The following RBFOX2 variants were observed in gnomAD, a reference collection of about 807,000 sequenced individuals.
The protein encoded by RBFOX2 is RNA binding protein fox-1 homolog 2.
RBFOX2 carries 10 observed loss-of-function variants against 49.1 expected under a neutral mutation model. The ratio of observed to expected loss-of-function variants is 0.20; its 90% CI spans 0.13 to 0.35. The LOEUF is 0.35. Among genes scored for constraint, RBFOX2 ranks in the 10% least tolerant of loss-of-function variants. The pLI is 1.00. For missense variants in RBFOX2, 323 were observed against 486.9 expected, an observed-to-expected ratio of 0.66 and a Z score of 3.17; for synonymous variants, 183 against 187.4, an observed-to-expected ratio of 0.98 and a Z score of 0.19.
chr22:36,016,087 C>A (rs754387308), intron 1 of RBFOX2, among the ~76,000 whole-genome samples: 8 of 152,130 alleles, frequency 5.3e-5, no homozygotes, highest in Non-Finnish European at 7.4e-5. Flanking sequence ...CCACATACCC[C>A]CTGAAAGTAA....
At chr22:35,898,097 G>A (rs186649474) in intron 1 of RBFOX2, 1 of 738,376 alleles carries the variant, frequency 1.4e-6, no homozygotes, top group African/African-American at 1.7e-5. Context: ...AGAAACAGAA[G>A]CTAGCCCAGG....
intron 1 of RBFOX2, among the ~76,000 whole-genome samples, chr22:35,904,496 G>T (rs1569477496): frequency 6.6e-6 from 1 of 152,154 alleles, no homozygotes; most frequent in Admixed American, 6.5e-5. Flanking sequence ...AAGTTAGAGT[G>T]CTACTAATTT....
upstream of RBFOX2, among the ~76,000 whole-genome samples, chr22:35,965,993 A>G (rs534626704): frequency 5.3e-5 from 8 of 152,210 alleles, no homozygotes; most frequent in East Asian, 1.5e-3. Context: ...CACCTAGGCC[A>G]AGAAATAGGA....
intron 1 of RBFOX2, among the ~76,000 whole-genome samples, chr22:35,827,499 T>C (rs1956006532): frequency 6.6e-6 from 1 of 152,342 alleles, no homozygotes. Flanking sequence ...ATCCTACCAC[T>C]AAACCTCACT....
At chr22:35,963,112 A>G (rs5750207), upstream of RBFOX2, among the ~76,000 whole-genome samples, 12,500 of 148,332 alleles carry the variant, frequency 0.084, 562 homozygotes, top group African/African-American at 0.11. Flanking sequence ...ATAATTTAGT[A>G]TAATAACAGT....
intron 1 of RBFOX2, among the ~76,000 whole-genome samples, chr22:35,916,015 C>T (rs1209887229): frequency 6.6e-6 from 1 of 152,188 alleles, no homozygotes; most frequent in Non-Finnish European, 1.5e-5. Flanking sequence ...GTTACTAATG[C>T]CCTGTGCTAA....
intron 9 of RBFOX2, chr22:35,748,283 C>A (rs1420635389): frequency 2.0e-5 from 3 of 152,138 alleles, no homozygotes; most frequent in Non-Finnish European, 4.4e-5. Flanking sequence ...ATTACGAATT[C>A]TTCCAGAGAT....
chr22:35,860,285 A>G (rs916049693), intron 1 of RBFOX2, among the ~76,000 whole-genome samples: 4 of 152,108 alleles, frequency 2.6e-5, no homozygotes, highest in African/African-American at 9.7e-5. Context: ...CTGTGTGAAG[A>G]AGTGTGAAGG....
chr22:35,974,682 G>A (rs985126578), intron 1 of RBFOX2, among the ~76,000 whole-genome samples: 8 of 151,990 alleles, frequency 5.3e-5, no homozygotes, highest in African/African-American at 1.4e-4. Context: ...GCGAGACTCC[G>A]TATCAAAAAC....
At chr22:35,942,783 C>A (rs1437662217), upstream of RBFOX2, among the ~76,000 whole-genome samples, 1 of 150,628 alleles carries the variant, frequency 6.6e-6, no homozygotes, top group Non-Finnish European at 1.5e-5. Context: ...ATATAACAAA[C>A]TTCTAATAGT....
intron 6 of RBFOX2, among the ~76,000 whole-genome samples, chr22:35,762,333 A>G (rs1471627795): frequency 1.3e-5 from 2 of 152,122 alleles, no homozygotes; most frequent in African/African-American, 4.8e-5. Context: ...TAAAAGTAGA[A>G]TTCCACATGA....
chr22:35,842,872 A>G (rs2040689638), upstream of RBFOX2, among the ~76,000 whole-genome samples: 1 of 152,202 alleles, frequency 6.6e-6, no homozygotes, highest in Non-Finnish European at 1.5e-5. Flanking sequence ...GTCCAAGACT[A>G]GGATAAAGGT....
At chr22:35,782,942 A>G (rs1046206121) in intron 2 of RBFOX2, among the ~76,000 whole-genome samples, 1 of 152,194 alleles carries the variant, frequency 6.6e-6, no homozygotes, top group African/African-American at 2.4e-5. Flanking sequence ...ACATGCACAC[A>G]AGAATCACAT....
upstream of RBFOX2, among the ~76,000 whole-genome samples, chr22:35,964,249 T>A (rs906423492): frequency 6.6e-6 from 1 of 152,194 alleles, no homozygotes; most frequent in African/African-American, 2.4e-5. Flanking sequence ...CATCTAGAAA[T>A]CATTTTACAT....
chr22:35,890,461 C>T (rs1319371896), intron 1 of RBFOX2, among the ~76,000 whole-genome samples: 1 of 152,112 alleles, frequency 6.6e-6, no homozygotes, highest in Non-Finnish European at 1.5e-5. Context: ...ATAAAAGTTA[C>T]ACGAATGTGG....
At position 35,959,619 on chromosome 22, in the gene RBFOX2, A is replaced by G. The variant is rs143138064; in HGVS notation, c.42+1944T>C. ...CTACAGTGGCGTCTGAGATTTCTGC[A>G]TCTACCAGGAAATGAAGCTTCTAGT... On this transcript the variant is annotated intron_variant, in intron 1 of 5. Transcript: ENST00000408983. Among the ~76,000 whole-genome samples, 8 of 152,376 alleles carry G rather than the reference A, an allele frequency of 5.3e-5. No individual in the cohort carries two copies. The East Asian group carries it at 1.5e-3, about 29-fold the overall frequency.
At chr22:35,757,148 T>TA (rs1024353946) in intron 9 of RBFOX2, among the ~76,000 whole-genome samples, 9 of 151,546 alleles carry the variant, frequency 5.9e-5, no homozygotes, top group African/African-American at 2.2e-4. Context: ...TCTGAGAAGG[T>TA]AGCTGGTTAA....
intron 9 of RBFOX2, among the ~76,000 whole-genome samples, chr22:35,754,068 C>T (rs987170676): frequency 2.7e-5 from 4 of 150,822 alleles, no homozygotes; most frequent in South Asian, 2.1e-4. Flanking sequence ...CACACGTGAG[C>T]GATGATGCCT....
intron 1 of RBFOX2, among the ~76,000 whole-genome samples, chr22:35,970,777 G>GTA (rs1308064123): frequency 6.6e-6 from 1 of 152,170 alleles, no homozygotes; most frequent in Non-Finnish European, 1.5e-5. Context: ...TGCCAACACA[G>GTA]TATATTTTTA....
Sources: gnomAD v4.1 joint callset for allele counts (sites outside exome capture counted in the v4.1 genomes callset) on GRCh38, gnomAD v4.1.1 for gene constraint, MANE v1.5 for transcripts, NCBI Gene and HGNC (gene_info 2026-07-23, HGNC 2026-07-21) for gene names.